DCLK1: variants seen among roughly 807,000 people sequenced by gnomAD.
DCLK1 encodes serine/threonine-protein kinase DCLK1.
Under a neutral mutation model 86.2 loss-of-function variants are expected in DCLK1, and 16 were observed. The observed-to-expected ratio is 0.19, with a 90% CI of 0.13 to 0.28. The LOEUF is 0.28. Among genes scored for constraint, DCLK1 ranks in the 10% least tolerant of loss-of-function variants. The pLI is 1.00. For synonymous variants in DCLK1, 369 were observed against 370.5 expected (o/e 1.00, Z 0.05); for missense variants, 590 against 940.2 (o/e 0.63, Z 4.87).
chr13:35,899,240 C>A (rs1362895494), intron 4 of DCLK1, among the ~76,000 whole-genome samples: 3 of 151,998 alleles, frequency 2.0e-5, no homozygotes, highest in Non-Finnish European at 4.4e-5. Context: ...TCCCAATCAT[C>A]TCCTTATTCT....
At chr13:35,883,466 G>C (rs1247259948) in intron 4 of DCLK1, among the ~76,000 whole-genome samples, 1 of 152,166 alleles carries the variant, frequency 6.6e-6, no homozygotes, top group Non-Finnish European at 1.5e-5. Flanking sequence ...CACCATGAGT[G>C]GAAGTAGCTT....
intron 2 of DCLK1, among the ~76,000 whole-genome samples, chr13:36,124,607 A>T (rs921310449): frequency 6.6e-6 from 1 of 152,196 alleles, no homozygotes; most frequent in African/African-American, 2.4e-5. Flanking sequence ...AGCAGCCCCC[A>T]ACTCCAACGG....
At chr13:35,844,475 T>C (rs1156970930) in intron 6 of DCLK1, among the ~76,000 whole-genome samples, 1 of 152,200 alleles carries the variant, frequency 6.6e-6, no homozygotes, top group Non-Finnish European at 1.5e-5. Flanking sequence ...GATCTATAAA[T>C]TGATAATCTG....
At chr13:36,042,001 C>A (rs1004221950) in intron 3 of DCLK1, among the ~76,000 whole-genome samples, 4 of 152,162 alleles carry the variant, frequency 2.6e-5, no homozygotes, top group Non-Finnish European at 4.4e-5. Flanking sequence ...CTTGGCTACT[C>A]TGTTCCTCCC....
intron 4 of DCLK1, among the ~76,000 whole-genome samples, chr13:35,941,464 A>T (rs923912378): frequency 6.6e-5 from 10 of 152,214 alleles, no homozygotes; most frequent in Admixed American, 4.6e-4. Context: ...CTAGAATCAC[A>T]TACCCAGGAA....
At chr13:36,054,803 C>T (rs1308491675) in intron 3 of DCLK1, among the ~76,000 whole-genome samples, 2 of 152,130 alleles carry the variant, frequency 1.3e-5, no homozygotes, top group African/African-American at 2.4e-5. Context: ...TCCACACTAA[C>T]GAGTTGTGCA....
At chr13:36,031,892 T>C (rs763000413) in intron 3 of DCLK1, among the ~76,000 whole-genome samples, 1 of 152,130 alleles carries the variant, frequency 6.6e-6, no homozygotes, top group Non-Finnish European at 1.5e-5. Context: ...AGGCCCCACC[T>C]GATAGACGTG....
intron 4 of DCLK1, among the ~76,000 whole-genome samples, chr13:35,939,511 C>T (rs940432780): frequency 1.2e-4 from 18 of 152,176 alleles, no homozygotes; most frequent in Non-Finnish European, 1.2e-4. Context: ...CTCAAGCGAT[C>T]CTCCCACCTC....
intron 3 of DCLK1, among the ~76,000 whole-genome samples, chr13:36,101,311 C>T (rs1425108463): frequency 2.0e-5 from 3 of 152,198 alleles, no homozygotes; most frequent in African/African-American, 7.2e-5. Flanking sequence ...TCACCCTCCA[C>T]GTGAGGCAGC....
chr13:35,911,291 C>CA (rs11295431), intron 4 of DCLK1, among the ~76,000 whole-genome samples: 2,093 of 119,746 alleles, frequency 0.017, 21 homozygotes, highest in South Asian at 0.036. Context: ...GAGATTCCGT[C>CA]AAAAAAAAAA....
intron 4 of DCLK1, among the ~76,000 whole-genome samples, chr13:35,883,631 T>C (rs1017922971): frequency 6.6e-6 from 1 of 152,174 alleles, no homozygotes; most frequent in Admixed American, 6.5e-5. Context: ...ATGGTCTGAT[T>C]TGTGAGTCTA....
At chr13:35,906,313 CTTT>C (rs11358132) in intron 4 of DCLK1, among the ~76,000 whole-genome samples, 14 of 137,684 alleles carry the variant, frequency 1.0e-4, no homozygotes, top group South Asian at 2.3e-4. Flanking sequence ...CAAGTATTTT[CTTT>C]TTTTTTTTTT....
At chr13:35,834,248 C>G (rs1869186429) in intron 8 of DCLK1, among the ~76,000 whole-genome samples, 1 of 152,174 alleles carries the variant, frequency 6.6e-6, no homozygotes, top group Non-Finnish European at 1.5e-5. Flanking sequence ...TATATAAGCA[C>G]ACATTTATTT....
At chr13:36,015,004 TTCTCTCTC>T (rs60179491) in intron 3 of DCLK1, among the ~76,000 whole-genome samples, 23 of 144,214 alleles carry the variant, frequency 1.6e-4, no homozygotes, top group South Asian at 6.7e-4. Context: ...CTCTCTCTCT[TTCTCTCTC>T]TCTCTCTCTC....
intron 4 of DCLK1, among the ~76,000 whole-genome samples, chr13:35,896,287 C>T (rs9531160): frequency 0.76 from 114,777 of 151,912 alleles, 47,870 homozygotes; most frequent in Non-Finnish European, 0.92. Context: ...ACTTGTAATC[C>T]TAGCACTTTG....
rs1018151238 is a variant in DCLK1, at chr13:35,769,112, A to G, written c.*5423T>C. 6 of 152,186 alleles carry G rather than the reference A, an allele frequency of 3.9e-5. No individual in the cohort carries two copies. The highest frequency in any genetic ancestry group is 5.9e-5 in the Non-Finnish European group (4 of 68,030). The allele number at this position is 152,186 out of a possible 1,614,324, so 9.4% of individuals were successfully genotyped here. A position where few individuals can be genotyped will look rare whatever the true frequency, so the allele number is the denominator to read the frequency against. Reference sequence around the variant, plus strand: ...ATGATTTCATTCCACATTAACCTACATGTATCAGCTTAAACTGAAGGATTA... The same window carrying G: ...ATGATTTCATTCCACATTAACCTACGTGTATCAGCTTAAACTGAAGGATTA... On this transcript the variant is annotated 3_prime_UTR_variant, in exon 17 of 17. Transcript: ENST00000360631.
chr13:35,782,725 T>C (rs1381475707), intron 16 of DCLK1, among the ~76,000 whole-genome samples: 1 of 152,234 alleles, frequency 6.6e-6, no homozygotes, highest in Non-Finnish European at 1.5e-5. Flanking sequence ...AGGCCTCTTC[T>C]ACTAGGCAGT....
At chr13:35,847,147 C>A (rs1473793236) in intron 6 of DCLK1, 3 of 955,052 alleles carry the variant, frequency 3.1e-6, no homozygotes, top group African/African-American at 3.5e-5. Flanking sequence ...TCAATATAAA[C>A]ATTAATGTTA....
intron 8 of DCLK1, among the ~76,000 whole-genome samples, chr13:35,832,139 CA>C (rs1314031762): frequency 1.3e-5 from 2 of 151,984 alleles, no homozygotes; most frequent in African/African-American, 2.4e-5. Context: ...AAAATAAAAA[CA>C]AAAAAATTAG....
Sources: gnomAD v4.1 joint callset for allele counts (sites outside exome capture counted in the v4.1 genomes callset) on GRCh38, gnomAD v4.1.1 for gene constraint, MANE v1.5 for transcripts, NCBI Gene and HGNC (gene_info 2026-07-23, HGNC 2026-07-21) for gene names.